Variants in HMGB1 observed in about 807,000 individuals in gnomAD.
The protein encoded by HMGB1 is high mobility group protein B1.
For missense variants in HMGB1, 79 were observed against 253.5 expected, an observed-to-expected ratio of 0.31 and a Z score of 4.67; for synonymous variants, 81 against 84.0, an observed-to-expected ratio of 0.96 and a Z score of 0.19.
chr13:30,541,705 G>T, intron 1 of HMGB1: 1 of 158,034 alleles, frequency 6.3e-6, no homozygotes, highest in South Asian at 1.6e-4. Context: ...CCTTTTGTTT[G>T]AAGAACTTTG....
At chr13:30,483,388 C>A (rs1411230853) in intron 1 of HMGB1, among the ~76,000 whole-genome samples, 3 of 152,106 alleles carry the variant, frequency 2.0e-5, no homozygotes, top group Admixed American at 2.0e-4. Flanking sequence ...CCAGCAAACC[C>A]TCCAGTCCTA....
At chr13:30,511,209 C>T (rs923811058) in intron 1 of HMGB1, among the ~76,000 whole-genome samples, 2 of 152,160 alleles carry the variant, frequency 1.3e-5, no homozygotes, top group African/African-American at 2.4e-5. Flanking sequence ...TCCACTACAG[C>T]CCAGCAGTCA....
At position 30,490,148 on chromosome 13, in the gene HMGB1, A is replaced by G. The variant is rs577289729; in HGVS notation, c.-14-26454T>C. Reference sequence around the variant, plus strand: ...GCATTTTCAATTCTTTGACCTGTAAATTTTTTTCACAGAAATAATAAATAT... The same window carrying G: ...GCATTTTCAATTCTTTGACCTGTAAGTTTTTTTCACAGAAATAATAAATAT... On this transcript the variant is annotated intron_variant, in intron 1 of 4. Transcript: ENST00000405805. 8.5e-4 allele frequency among the ~76,000 whole-genome samples: 129 copies of G among 151,908 alleles called. 1 individual carries two copies. The highest frequency in any genetic ancestry group is 3.0e-3 in the African/African-American group (123 of 41,406).
At chr13:30,487,083 A>T (rs915681895) in intron 1 of HMGB1, among the ~76,000 whole-genome samples, 4 of 152,220 alleles carry the variant, frequency 2.6e-5, no homozygotes, top group African/African-American at 7.2e-5. Flanking sequence ...TGAGCCAGGG[A>T]GCTGAACAGC....
chr13:30,468,641 A>G (rs1175661556), upstream of HMGB1, among the ~76,000 whole-genome samples: 2 of 152,114 alleles, frequency 1.3e-5, no homozygotes, highest in Non-Finnish European at 2.9e-5. Context: ...CCCAAGTTTA[A>G]CAGAGACTAT....
intron 1 of HMGB1, among the ~76,000 whole-genome samples, chr13:30,611,281 GCCT>G (rs1175670385): frequency 6.6e-6 from 1 of 152,152 alleles, no homozygotes; most frequent in Non-Finnish European, 1.5e-5. Flanking sequence ...TCCTGCCTCA[GCCT>G]CCTGAGTAGC....
At chr13:30,478,871 CTTT>C (rs3042542) in intron 1 of HMGB1, among the ~76,000 whole-genome samples, 1 of 126,128 alleles carries the variant, frequency 7.9e-6, no homozygotes. Flanking sequence ...CTTTTCTTTT[CTTT>C]TTTTTTTTTT....
chr13:30,576,041 G>A (rs1345621438), intron 1 of HMGB1, among the ~76,000 whole-genome samples: 1 of 152,046 alleles, frequency 6.6e-6, no homozygotes, highest in African/African-American at 2.4e-5. Flanking sequence ...TCACCATCAA[G>A]GCCAACATTG....
At chr13:30,461,667 G>A (rs371693901) in intron 4 of HMGB1, 134 bp from the exon 5 acceptor site, 51 of 1,588,796 alleles carry the variant, frequency 3.2e-5, no homozygotes, top group African/African-American at 1.9e-4. Context: ...TAGATCCACA[G>A]CAACTCCAGA....
chr13:30,536,853 G>A (rs974122807), intron 1 of HMGB1, among the ~76,000 whole-genome samples: 6 of 151,608 alleles, frequency 4.0e-5, no homozygotes, highest in Non-Finnish European at 5.9e-5. Context: ...AACTCCTCTC[G>A]TACCACTTGG....
chr13:30,555,177 G>A (rs1452395644), intron 1 of HMGB1, among the ~76,000 whole-genome samples: 1 of 151,630 alleles, frequency 6.6e-6, no homozygotes, highest in Non-Finnish European at 1.5e-5. Flanking sequence ...GAGTAGCTGG[G>A]AATACAGGCG....
intron 1 of HMGB1, among the ~76,000 whole-genome samples, chr13:30,594,801 G>A (rs1871530634): frequency 6.6e-6 from 1 of 152,120 alleles, no homozygotes; most frequent in Admixed American, 6.5e-5. Context: ...TCTCCACAGG[G>A]GTAGAACTAA....
intron 1 of HMGB1, among the ~76,000 whole-genome samples, chr13:30,556,061 G>A (rs1193112973): frequency 6.6e-6 from 1 of 152,202 alleles, no homozygotes; most frequent in African/African-American, 2.4e-5. Context: ...TGCCACAATT[G>A]TCAATAAGCA....
intron 1 of HMGB1, among the ~76,000 whole-genome samples, chr13:30,492,950 C>T (rs867060142): frequency 7.1e-6 from 1 of 140,784 alleles, no homozygotes; most frequent in Non-Finnish European, 1.5e-5. Flanking sequence ...GAGGTCTTGC[C>T]ACTGCACTCC....
intron 1 of HMGB1, among the ~76,000 whole-genome samples, chr13:30,578,168 T>C (rs1172534696): frequency 6.6e-6 from 1 of 151,870 alleles, no homozygotes; most frequent in African/African-American, 2.4e-5. Context: ...TTCATTCTCC[T>C]TGATTCTGCT....
At chr13:30,558,931 T>G (rs765192702) in intron 1 of HMGB1, among the ~76,000 whole-genome samples, 1 of 152,194 alleles carries the variant, frequency 6.6e-6, no homozygotes, top group Non-Finnish European at 1.5e-5. Flanking sequence ...CCAATGCAGA[T>G]GGATTATAAT....
chr13:30,464,835 G>A (rs1451709399), intron 1 of HMGB1: 2 of 157,646 alleles, frequency 1.3e-5, no homozygotes, highest in African/African-American at 2.5e-5. Flanking sequence ...CGGCGGCGGC[G>A]GGCGGGGTGC....
At chr13:30,469,731 A>G (rs143754073), upstream of HMGB1, among the ~76,000 whole-genome samples, 907 of 152,210 alleles carry the variant, frequency 6.0e-3, 12 homozygotes, top group African/African-American at 0.021. Flanking sequence ...CCTTGGTTTA[A>G]GTGATTCCCC....
intron 1 of HMGB1, among the ~76,000 whole-genome samples, chr13:30,486,202 G>A (rs1051067771): frequency 6.6e-6 from 1 of 152,124 alleles, no homozygotes; most frequent in African/African-American, 2.4e-5. Flanking sequence ...TTTGCTTCAC[G>A]GTCAGAGGCT....
Sources: gnomAD v4.1 joint callset for allele counts (sites outside exome capture counted in the v4.1 genomes callset) on GRCh38, gnomAD v4.1.1 for gene constraint, MANE v1.5 for transcripts, NCBI Gene and HGNC (gene_info 2026-07-23, HGNC 2026-07-21) for gene names.